SMARCAD1: variants seen among roughly 807,000 people sequenced by gnomAD.
The protein encoded by SMARCAD1 is SWI/SNF-related matrix-associated actin-dependent regulator of chromatin subfamily A containing DEAD/H box 1.
Under a neutral mutation model 127.1 loss-of-function variants are expected in SMARCAD1, and 25 were observed. The ratio of observed to expected loss-of-function variants is 0.20; its 90% CI spans 0.14 to 0.27. The LOEUF (loss-of-function observed/expected upper bound fraction) is 0.27, where lower values mean the gene tolerates loss of function less well. Among genes scored for constraint, SMARCAD1 ranks in the 10% least tolerant of loss-of-function variants. The pLI is 1.00. For synonymous variants in SMARCAD1, 400 were observed against 396.9 expected (o/e 1.01, Z -0.09); for missense variants, 807 against 1,206.0 (o/e 0.67, Z 4.90).
rs748713054 is a variant in SMARCAD1, at chr4:94,226,071, C to G, written c.191-48C>G. 1.1e-5 allele frequency: 16 copies of G among 1,436,256 alleles called. No individual in the cohort carries two copies. In the Admixed American group the frequency reaches 1.7e-4, roughly 16 times the overall value. The allele number at this position is 1,436,256 out of a possible 1,614,324, so 89.0% of individuals were successfully genotyped here. A position where few individuals can be genotyped will look rare whatever the true frequency, so the allele number is the denominator to read the frequency against. On this transcript the variant is annotated intron_variant, in intron 2 of 23. Transcript: ENST00000354268. ...ACATGATTATAACTAACAACAGATT[C>G]GTTTTCCAGTTGCTCAAAATATTTT...
chr4:94,259,387 T>C (rs969036748), intron 9 of SMARCAD1, among the ~76,000 whole-genome samples: 1 of 152,204 alleles, frequency 6.6e-6, no homozygotes, highest in African/African-American at 2.4e-5. Flanking sequence ...CTCTTTTTCC[T>C]TTAAAAAACT....
Position 94,264,783 on chromosome 4 carries a change from A to G in SMARCAD1, c.1358A>G (p.Asp453Gly). 1 of 1,612,836 alleles carries G rather than the reference A, an allele frequency of 6.2e-7. No homozygotes were observed. Among genetic ancestry groups the G allele is most frequent in the Non-Finnish European group, 8.5e-7 (1 of 1,179,218 alleles). Residue 453 changes from aspartate (D) to glycine (G), a missense_variant, in exon 10 of 24, where the codon GAT (aspartate) becomes GGT (glycine). Physicochemically the swap from Asp to Gly is moderately conservative, Grantham distance 94 (BLOSUM62 -1). This residue lies in a region of SMARCAD1 where 257 missense variants were observed against 303.4 expected (regional missense o/e 0.85). Transcript: ENST00000354268. Reference sequence around the variant, plus strand: ...TGTAAAACACTGATCCAAGAAAGAGATGTAGTTATAAGGCTTATGAACAAA... The same window carrying G: ...TGTAAAACACTGATCCAAGAAAGAGGTGTAGTTATAAGGCTTATGAACAAA... ...WHCKTLIQERDVVIRLMNKCE... is the reference protein window; with the variant it reads ...WHCKTLIQERGVVIRLMNKCE...
At chr4:94,214,518 G>A (rs759202612) in intron 2 of SMARCAD1, among the ~76,000 whole-genome samples, 51 of 151,662 alleles carry the variant, frequency 3.4e-4, no homozygotes, top group Non-Finnish European at 1.6e-4. Context: ...TGCCCGCCTC[G>A]GCCTCCTAAA....
intron 3 of SMARCAD1, among the ~76,000 whole-genome samples, chr4:94,233,228 A>G (rs185664222): frequency 5.9e-4 from 90 of 152,328 alleles, no homozygotes; most frequent in African/African-American, 1.0e-3. Context: ...TCTGATCTCT[A>G]TAACTTACAT....
At chr4:94,232,883 G>A (rs1746060555) in intron 3 of SMARCAD1, among the ~76,000 whole-genome samples, 1 of 152,164 alleles carries the variant, frequency 6.6e-6, no homozygotes, top group African/African-American at 2.4e-5. Flanking sequence ...AGGAGGCTGA[G>A]GTGGGAGGAT....
intron 5 of SMARCAD1, among the ~76,000 whole-genome samples, chr4:94,238,163 A>G (rs1746997097): frequency 6.6e-6 from 1 of 152,106 alleles, no homozygotes; most frequent in South Asian, 2.1e-4. Context: ...TCTACATAAG[A>G]TTTTTATTTT....
chr4:94,270,933 A>G lies in SMARCAD1; in HGVS notation c.1572+115A>G, dbSNP rs559890497. The G allele has an allele frequency of 7.5e-6, 6 of 799,998 alleles. No individual in the cohort carries two copies. The South Asian group carries it at 8.6e-5, about 11-fold the overall frequency. 49.6% of individuals were successfully genotyped at this position (799,998 alleles called of 1,614,324 possible). A position where few individuals can be genotyped will look rare whatever the true frequency, so the allele number is the denominator to read the frequency against. On this transcript the variant is annotated intron_variant, in intron 11 of 23. Transcript: ENST00000354268. Reference sequence around the variant, plus strand: ...TACTGTAGTTAACTACTGCCACCTCAGTACCTTATATTTTATCTCATCTTT... The same window carrying G: ...TACTGTAGTTAACTACTGCCACCTCGGTACCTTATATTTTATCTCATCTTT...
chr4:94,237,805 CATT>C (rs904749968), intron 5 of SMARCAD1, among the ~76,000 whole-genome samples: 3 of 152,070 alleles, frequency 2.0e-5, no homozygotes, highest in African/African-American at 7.2e-5. Context: ...TTCATTATTT[CATT>C]ATTATAGCAC....
At chr4:94,284,760 T>C (rs1440835731) in intron 22 of SMARCAD1, among the ~76,000 whole-genome samples, 200 bp from the exon 23 acceptor site, 1 of 152,102 alleles carries the variant, frequency 6.6e-6, no homozygotes, top group Non-Finnish European at 1.5e-5. Context: ...ACAAATATCT[T>C]TCTCTTTTCT....
intron 6 of SMARCAD1, among the ~76,000 whole-genome samples, chr4:94,242,936 A>C (rs975792916): frequency 2.6e-5 from 4 of 152,126 alleles, no homozygotes. Flanking sequence ...ATGAAGTTTA[A>C]GGATTTCTTC....
At chr4:94,240,095 G>T (rs564147166) in intron 5 of SMARCAD1, among the ~76,000 whole-genome samples, 1 of 152,184 alleles carries the variant, frequency 6.6e-6, no homozygotes, top group South Asian at 2.1e-4. Context: ...GTATGTATTT[G>T]AGCTGCATAG....
chr4:94,263,948 T>C (rs1751377403), intron 9 of SMARCAD1, among the ~76,000 whole-genome samples: 1 of 152,086 alleles, frequency 6.6e-6, no homozygotes, highest in Non-Finnish European at 1.5e-5. Context: ...AGTTCTGATA[T>C]AGCTTTTACA....
At chr4:94,251,787 G>C (rs1749309154) in intron 8 of SMARCAD1, among the ~76,000 whole-genome samples, 1 of 152,154 alleles carries the variant, frequency 6.6e-6, no homozygotes, top group South Asian at 2.1e-4. Flanking sequence ...TTAGAATTCT[G>C]TAAACTGATA....
chr4:94,278,603 T>C lies in SMARCAD1; in HGVS notation c.2179-13T>C. 3.1e-6 allele frequency: 5 copies of C among 1,613,830 alleles called. No individual in the cohort carries two copies. Among genetic ancestry groups the C allele is most frequent in the Non-Finnish European group, 3.4e-6 (4 of 1,179,792 alleles). Reference sequence around the variant, plus strand: ...ACTAGAATGATTATCTTAAACTGTTTTTTCTGTCTCAGGTTCTCAAGCAGT... The same window carrying C: ...ACTAGAATGATTATCTTAAACTGTTCTTTCTGTCTCAGGTTCTCAAGCAGT... On this transcript the variant is annotated splice_polypyrimidine_tract_variant and intron_variant, in intron 17 of 23. Transcript: ENST00000354268.
chr4:94,281,600 A>G lies in SMARCAD1; in HGVS notation c.2726+10A>G. 6.6e-7 allele frequency: 1 copy of G among 1,505,764 alleles called. No individual in the cohort carries two copies. 93.3% of individuals were successfully genotyped at this position (1,505,764 alleles called of 1,614,324 possible). A position where few individuals can be genotyped will look rare whatever the true frequency, so the allele number is the denominator to read the frequency against. On this transcript the variant is annotated intron_variant, in intron 21 of 23. Coordinates refer to ENST00000354268, the MANE Select transcript of SMARCAD1 (RefSeq NM_020159.5). Reference sequence around the variant, plus strand: ...CTCAGATTTCTGAAAGGTTGGTATAATTCATGTTAGTTACAAAAAAATAAC... The same window carrying G: ...CTCAGATTTCTGAAAGGTTGGTATAGTTCATGTTAGTTACAAAAAAATAAC...
At chr4:94,285,097 A>G (rs1754735647) in intron 23 of SMARCAD1, 28 bp downstream of exon 23, 1 of 1,331,016 alleles carries the variant, frequency 7.5e-7, no homozygotes, top group South Asian at 1.2e-5. Flanking sequence ...AGAAACTTCA[A>G]TATTTATCTA....
chr4:94,214,588 A>G (rs1391250008), intron 2 of SMARCAD1, among the ~76,000 whole-genome samples: 1 of 152,114 alleles, frequency 6.6e-6, no homozygotes, highest in Non-Finnish European at 1.5e-5. Flanking sequence ...ACCAAGGACA[A>G]GAAGCTAGTG....
chr4:94,276,798 A>G (rs553608095), intron 15 of SMARCAD1, among the ~76,000 whole-genome samples: 2 of 152,336 alleles, frequency 1.3e-5, no homozygotes, highest in African/African-American at 4.8e-5. Flanking sequence ...ACGAGGACAC[A>G]AGTTACCTAC....
intron 19 of SMARCAD1, among the ~76,000 whole-genome samples, chr4:94,279,613 T>A (rs1007196762): frequency 6.6e-6 from 1 of 152,202 alleles, no homozygotes; most frequent in African/African-American, 2.4e-5. Flanking sequence ...TGGGACTGCT[T>A]TCTCACTACA....
Sources: allele counts gnomAD v4.1 joint callset (sites outside exome capture counted in the v4.1 genomes callset), GRCh38; gene constraint gnomAD v4.1.1; regional missense constraint gnomAD v4.1.1; transcripts MANE v1.5; gene names NCBI Gene and HGNC (gene_info 2026-07-23, HGNC 2026-07-21).